The following CDC16 variants were observed in gnomAD, a reference collection of about 807,000 sequenced individuals.
CDC16 encodes cell division cycle 16, also known as cell division cycle protein 16 homolog.
In CDC16, 34 loss-of-function variants were observed where a neutral mutation model predicts 87.0. The ratio of observed to expected loss-of-function variants is 0.39; its 90% confidence interval spans 0.30 to 0.52. CDC16 has a LOEUF of 0.52. Ranked by LOEUF, CDC16 falls within the 20% of genes least tolerant of loss-of-function variation. The probability of loss-of-function intolerance (pLI) is 0.74; values close to 1 mark genes in which losing one functional copy is unlikely to be tolerated. For missense variants in CDC16, 653 were observed against 751.9 expected, an observed-to-expected ratio of 0.87 and a Z score of 1.54; for synonymous variants, 263 against 260.6, an observed-to-expected ratio of 1.01 and a Z score of -0.09.
chr13:114,241,993 AGTGAGCTATGATC>A, intron 5 of CDC16, 115 bp from the exon 6 acceptor site: 1 of 1,031,084 alleles, frequency 9.7e-7, no homozygotes. Flanking sequence ...TCAAGGCTGC[AGTGAGCTATGATC>A]GCACCACTGA....
At chr13:114,250,807 C>A in intron 12 of CDC16, 133 bp downstream of exon 12, 2 of 857,370 alleles carry the variant, frequency 2.3e-6, no homozygotes, top group Non-Finnish European at 3.5e-6. Flanking sequence ...AATCTAGTTG[C>A]TTGTGATTGT....
intron 5 of CDC16, 126 bp downstream of exon 5, chr13:114,239,616 T>C (rs2081443234): frequency 7.9e-7 from 1 of 1,268,046 alleles, no homozygotes; most frequent in Non-Finnish European, 1.0e-6. Flanking sequence ...ATTTATTTAA[T>C]TTGCCCACCA....
At chr13:114,256,417 C>T (rs1246522712) in intron 12 of CDC16, among the ~76,000 whole-genome samples, 2 of 152,160 alleles carry the variant, frequency 1.3e-5, no homozygotes, top group Non-Finnish European at 2.9e-5. Flanking sequence ...ACCAAGCAAT[C>T]AGTATTTATT....
At chr13:114,262,791 T>C in intron 15 of CDC16, 88 bp from the exon 16 acceptor site, 1 of 1,324,044 alleles carries the variant, frequency 7.6e-7, no homozygotes, top group Non-Finnish European at 1.1e-6. Flanking sequence ...AGACAGCGTT[T>C]CTTGGGTGTT....
At chr13:114,261,760 T>C (rs2082875018) in intron 14 of CDC16, 127 bp from the exon 15 acceptor site, 8 of 590,342 alleles carry the variant, frequency 1.4e-5, no homozygotes, top group East Asian at 3.0e-5. Context: ...TACCCTGGCC[T>C]TGTGGTGTGC....
At chr13:114,238,889 G>A (rs1407803306) in intron 3 of CDC16, 101 bp from the exon 4 acceptor site, 1 of 1,420,518 alleles carries the variant, frequency 7.0e-7, no homozygotes. Flanking sequence ...AGTAAAAGGA[G>A]AAATTATGAA....
At chr13:114,252,385 T>A (rs2082246189) in intron 12 of CDC16, among the ~76,000 whole-genome samples, 1 of 152,162 alleles carries the variant, frequency 6.6e-6, no homozygotes, top group Admixed American at 6.5e-5. Flanking sequence ...ACAGGCACAG[T>A]AGGGGTTAGG....
intron 17 of CDC16, among the ~76,000 whole-genome samples, chr13:114,271,377 A>G (rs1282638034): frequency 3.9e-5 from 6 of 152,194 alleles, no homozygotes; most frequent in Non-Finnish European, 8.8e-5. Context: ...ATCTGTTCAA[A>G]TCTATATTAC....
chr13:114,239,814 C>T (rs907507255), intron 5 of CDC16, among the ~76,000 whole-genome samples: 4 of 152,166 alleles, frequency 2.6e-5, no homozygotes, highest in African/African-American at 9.7e-5. Flanking sequence ...TGGACCTACA[C>T]CAAGAAACTT....
chr13:114,235,302 G>A (rs1041264321), intron 1 of CDC16, among the ~76,000 whole-genome samples, 170 bp downstream of exon 1: 1 of 152,112 alleles, frequency 6.6e-6, no homozygotes, highest in Admixed American at 6.5e-5. Flanking sequence ...AGAAGGGAGC[G>A]GTCCCTGCAG....
At chr13:114,262,346 A>G (rs930959136) in intron 15 of CDC16, among the ~76,000 whole-genome samples, 3 of 152,202 alleles carry the variant, frequency 2.0e-5, no homozygotes, top group Non-Finnish European at 4.4e-5. Context: ...AAGTATTTCT[A>G]TTGCAGGATT....
chr13:114,240,505 G>A (rs1031255616), intron 5 of CDC16, among the ~76,000 whole-genome samples: 2 of 152,026 alleles, frequency 1.3e-5, no homozygotes, highest in African/African-American at 2.4e-5. Context: ...CACTGTGCCC[G>A]GCACAGTTGG....
chr13:114,272,216 G>A lies in CDC16; in HGVS notation c.1636G>A (p.Asp546Asn). ...ADIKDKLKCY[D>N]FDVHTMKTLK... ...CATTAAAGACAAATTAAAATGTTAT[G>A]ACTTTGATGTGCATACAATGAAGAC... is the stretch of plus-strand genomic sequence containing the variant. Residue 546 changes from aspartate (D) to asparagine (N), a missense_variant, in exon 18 of 18, where the codon GAC becomes AAC. Coordinates refer to ENST00000356221, the MANE Select transcript of CDC16 (RefSeq NM_001078645.3). 6.4e-7 allele frequency: 1 copy of A among 1,573,916 alleles called. No individual in the cohort carries two copies. The highest frequency in any genetic ancestry group is 8.7e-7 in the Non-Finnish European group (1 of 1,152,030).
chr13:114,257,776 T>G (rs918801875), intron 13 of CDC16, among the ~76,000 whole-genome samples: 1 of 151,680 alleles, frequency 6.6e-6, no homozygotes, highest in African/African-American at 2.4e-5. Flanking sequence ...TTAGTTTCAG[T>G]TTTTTTTGGT....
chr13:114,258,912 A>G (rs914588518), intron 13 of CDC16, among the ~76,000 whole-genome samples: 12 of 152,108 alleles, frequency 7.9e-5, no homozygotes, highest in African/African-American at 2.9e-4. Context: ...AGCATGTGCA[A>G]CATGGCGAAA....
At chr13:114,244,063 C>T (rs2081710390) in intron 8 of CDC16, 74 bp downstream of exon 8, 2 of 1,010,898 alleles carry the variant, frequency 2.0e-6, no homozygotes, top group Non-Finnish European at 3.0e-6. Flanking sequence ...CACGGACGTG[C>T]TCTCTGAATA....
chr13:114,270,617 G>C (rs139976941), intron 17 of CDC16, among the ~76,000 whole-genome samples: 1 of 152,228 alleles, frequency 6.6e-6, no homozygotes, highest in Non-Finnish European at 1.5e-5. Context: ...CCATTCTGGC[G>C]GTAGTCATCT....
chr13:114,267,210 G>A (rs1281731924), intron 17 of CDC16, among the ~76,000 whole-genome samples: 2 of 152,102 alleles, frequency 1.3e-5, no homozygotes, highest in African/African-American at 2.4e-5. Flanking sequence ...TATCTAGGCC[G>A]GGCGTGGTGG....
rs555888214 is a variant in CDC16 at position 114,236,481 on chromosome 13, G to A, written c.49-164G>A. Among the ~76,000 whole-genome samples, 10 of 152,138 alleles carry A rather than the reference G, an allele frequency of 6.6e-5. No homozygotes were observed. In the South Asian group the frequency reaches 1.2e-3, roughly 19 times the overall value. On this transcript the variant is annotated intron_variant, in intron 1 of 17. Transcript: ENST00000356221. ...GACACTGAACTAAAATTTACCCTAC[G>A]TGAGATGTAAGATAGAGATGTAACA...
Sources: gnomAD v4.1 joint callset for allele counts (sites outside exome capture counted in the v4.1 genomes callset) on GRCh38, gnomAD v4.1.1 for gene constraint, MANE v1.5 for transcripts, NCBI Gene and HGNC (gene_info 2026-07-23, HGNC 2026-07-21) for gene names.